The following BRD4 variants were observed in gnomAD, a reference collection of about 807,000 sequenced individuals.
BRD4 encodes bromodomain-containing protein 4.
A neutral mutation model predicts 142.1 loss-of-function variants in BRD4; 16 were observed. The ratio of observed to expected loss-of-function variants is 0.11; its 90% CI spans 0.08 to 0.17. The LOEUF (loss-of-function observed/expected upper bound fraction) is 0.17, where lower values mean the gene tolerates loss of function less well. BRD4 is among the 10% of genes least tolerant of loss of function. The pLI is 1.00. For synonymous variants in BRD4, 833 were observed against 707.5 expected (o/e 1.18, Z -2.82); for missense variants, 1,424 against 1,810.9 (o/e 0.79, Z 3.88).
intron 1 of BRD4, among the ~76,000 whole-genome samples, chr19:15,308,743 CG>C (rs1233612417): frequency 1.3e-5 from 2 of 151,978 alleles, no homozygotes; most frequent in Non-Finnish European, 2.9e-5. Context: ...GGGCTGGGCG[CG>C]GTGGCTCAAA....
chr19:15,258,052 G>C (rs1045151110), intron 7 of BRD4, among the ~76,000 whole-genome samples: 2 of 152,178 alleles, frequency 1.3e-5, no homozygotes, highest in African/African-American at 4.8e-5. Context: ...GCTCAAGACA[G>C]AGGCAGAAGC....
At chr19:15,297,572 G>A (rs2047834077) in intron 1 of BRD4, among the ~76,000 whole-genome samples, 1 of 152,194 alleles carries the variant, frequency 6.6e-6, no homozygotes, top group African/African-American at 2.4e-5. Flanking sequence ...TACTGGACAA[G>A]TGCAAAGAAC....
rs62113850 is a variant in BRD4 at position 15,307,904 on chromosome 19, C to T, written c.-35+24386G>A. Among the ~76,000 whole-genome samples, 477 of 150,522 alleles carry T rather than the reference C, an allele frequency of 3.2e-3. 1 individual carries two copies. Among genetic ancestry groups the T allele is most frequent in the Non-Finnish European group, 5.7e-3 (386 of 67,466 alleles). On this transcript the variant is annotated intron_variant, in intron 1 of 19. Coordinates refer to ENST00000679869, the MANE Select transcript of BRD4 (RefSeq NM_001379291.1). ...CCCTGGCGGGCGGATCGCTTGAGGC[C>T]GGGAGTTCGAGACCAGCCTGGCCAA...
rs2048168926 is a variant in BRD4 at position 15,332,294 on chromosome 19, G to A, written c.-39C>T. 6.8e-6 allele frequency: 1 copy of A among 146,988 alleles called. No individual in the cohort carries two copies. The highest frequency in any genetic ancestry group is 1.5e-5 in the Non-Finnish European group (1 of 65,780). 9.1% of individuals were successfully genotyped at this position (146,988 alleles called of 1,614,324 possible). On this transcript the variant is annotated 5_prime_UTR_variant, in exon 1 of 20. Coordinates refer to ENST00000679869, the MANE Select transcript of BRD4 (RefSeq NM_001379291.1). ...CCAAAGGGCACCAGTCCTCACCTGA[G>A]ACGCTAGGCCGCACGCCGCCCCCGC...
In BRD4 at chr19:15,239,014, G is replaced by C. The variant is rs777722255; in HGVS notation, c.3783-34C>G. ...AGGGTCCCAGTCAGCCTGGGGACTG[G>C]TGTGGCCCCAAGAGTCCCCATGCCC... is the stretch of plus-strand genomic sequence containing the variant. On this transcript the variant is annotated intron_variant, in intron 18 of 19. Transcript: ENST00000679869. The surrounding 1 kb of genome is among the most constrained non-coding windows in gnomAD (Gnocchi z 7.4). The C allele has an allele frequency of 1.9e-6, 3 of 1,577,394 alleles. No homozygotes were observed. The highest frequency in any genetic ancestry group is 2.3e-5 in the South Asian group (2 of 88,396).
chr19:15,245,409 T>G (rs2047277037), intron 11 of BRD4, among the ~76,000 whole-genome samples: 1 of 152,042 alleles, frequency 6.6e-6, no homozygotes, highest in Admixed American at 6.6e-5. Flanking sequence ...CAGGCTGGCC[T>G]CCTGGGAATG....
chr19:15,272,785 G>C, intron 2 of BRD4, 30 bp downstream of exon 2: 1 of 1,594,840 alleles, frequency 6.3e-7, no homozygotes, highest in South Asian at 1.1e-5. Flanking sequence ...CTCCAGGACG[G>C]CCACCCTGGG....
At chr19:15,305,632 T>C (rs2047907157) in intron 1 of BRD4, among the ~76,000 whole-genome samples, 1 of 152,248 alleles carries the variant, frequency 6.6e-6, no homozygotes, top group African/African-American at 2.4e-5. Flanking sequence ...AGATTTAGCA[T>C]AATTTAGATT....
intron 1 of BRD4, chr19:15,275,986 C>T (rs2047642324): frequency 6.5e-6 from 1 of 153,016 alleles, no homozygotes; most frequent in Non-Finnish European, 1.5e-5. Context: ...AAGAGTAAAA[C>T]TCCATCTCAA....
chr19:15,238,115 G>C lies in BRD4; in HGVS notation c.*262C>G. The C allele has an allele frequency of 2.0e-6, 1 of 507,590 alleles. No individual in the cohort carries two copies. Among genetic ancestry groups the C allele is most frequent in the Non-Finnish European group, 3.5e-6 (1 of 284,336 alleles). 31.4% of individuals were successfully genotyped at this position (507,590 alleles called of 1,614,324 possible). A position where few individuals can be genotyped will look rare whatever the true frequency, so the allele number is the denominator to read the frequency against. On this transcript the variant is annotated 3_prime_UTR_variant, in exon 20 of 20. Transcript: ENST00000679869. This position sits in a 1 kb window ranked among gnomAD's most constrained non-coding sequence, Gnocchi z 7.2. ...GGGGATGCAGGGCTTGGGTCCAGCC[G>C]GCACTTGCTCGTAACAAGGCGTGTG...
intron 1 of BRD4, among the ~76,000 whole-genome samples, chr19:15,278,991 G>A (rs1041837801): frequency 1.3e-5 from 2 of 152,060 alleles, no homozygotes; most frequent in Non-Finnish European, 2.9e-5. Context: ...ACAAGCATGC[G>A]CCTGCACGCC....
In BRD4 at chr19:15,332,529, G is replaced by GCCC. The variant is rs1437494344; in HGVS notation, c.-275_-274insGGG. On this transcript the variant is annotated 5_prime_UTR_variant, in exon 1 of 20. Coordinates refer to ENST00000679869, the MANE Select transcript of BRD4 (RefSeq NM_001379291.1). ...CGCCGCCGCCGCCGCCGCCGCCGCCGCCAGCGCACTGACGTCACCGCGCAC... is the reference window on the plus strand; with the variant it reads ...CGCCGCCGCCGCCGCCGCCGCCGCCGCCCCCAGCGCACTGACGTCACCGCGCAC... 9.2e-5 allele frequency: 15 copies of GCCC among 163,486 alleles called. No homozygotes were observed. Among genetic ancestry groups the GCCC allele is most frequent in the African/African-American group, 3.7e-4 (15 of 40,112 alleles). The allele number at this position is 163,486 out of a possible 1,614,324, so 10.1% of individuals were successfully genotyped here.
chr19:15,320,517 G>A lies in BRD4; in HGVS notation c.-35+11773C>T, dbSNP rs532573175. ...CAACTTGTTATTTATATGGAAGAGA[G>A]ACCTAATGTGATAAACACAATTTCA... On this transcript the variant is annotated intron_variant, in intron 1 of 19. Coordinates refer to ENST00000679869, the MANE Select transcript of BRD4 (RefSeq NM_001379291.1). Among the ~76,000 whole-genome samples the A allele has an allele frequency of 1.1e-4, 17 of 152,252 alleles. No individual in the cohort carries two copies. In the South Asian group the frequency reaches 1.2e-3, roughly 11 times the overall value.
rs2047190480 is a variant in BRD4, at chr19:15,236,148, G to C, written c.*2229C>G. On this transcript the variant is annotated 3_prime_UTR_variant, in exon 20 of 20. Transcript: ENST00000679869. The stretch of plus-strand genomic sequence containing the variant: ...CCAAAGACAATAAAGGACCTTTCAG[G>C]TCAAAAAGAGGGGATGTAGGAGAAT... The C allele has an allele frequency of 6.6e-6, 1 of 152,178 alleles. No individual in the cohort carries two copies. Among genetic ancestry groups the C allele is most frequent in the Non-Finnish European group, 1.5e-5 (1 of 68,028 alleles). 9.4% of individuals were successfully genotyped at this position (152,178 alleles called of 1,614,324 possible).
chr19:15,263,505 C>A lies in BRD4; in HGVS notation c.1256G>T (p.Gly419Val). Residue 419 changes from glycine (G) to valine (V), a missense_variant, in exon 7 of 20, where the codon GGT (glycine) becomes GTT (valine). Around this residue, in one of 16 missense-constraint regions of BRD4, gnomAD observed 22 missense variants for 49.5 expected, o/e 0.44. Transcript: ENST00000679869. Reference protein sequence around the residue: ...AREYRDAQEFGADVRLMFSNC... With the variant: ...AREYRDAQEFVADVRLMFSNC... ...GGAGAACATCAATCGGACGTCAGCA[C>A]CAAACTCCTGAGCATCACGGTACTC... 1 of 1,614,204 alleles carries A rather than the reference C, an allele frequency of 6.2e-7. No homozygotes were observed.
chr19:15,278,582 G>A (rs1265570294), intron 1 of BRD4, among the ~76,000 whole-genome samples: 1 of 142,352 alleles, frequency 7.0e-6, no homozygotes, highest in Non-Finnish European at 1.5e-5. Context: ...CTATGGTTAT[G>A]TAAGAATAAA....
intron 1 of BRD4, among the ~76,000 whole-genome samples, chr19:15,324,117 C>T (rs1474338698): frequency 6.6e-6 from 1 of 152,090 alleles, no homozygotes. Flanking sequence ...TGGTACACGG[C>T]TCCACCCAAG....
chr19:15,295,125 C>A (rs182161111), intron 1 of BRD4, among the ~76,000 whole-genome samples: 55 of 152,344 alleles, frequency 3.6e-4, no homozygotes, highest in Admixed American at 3.3e-3. Context: ...TCCCAGAAAA[C>A]CAGCTTGCTG....
In BRD4 at chr19:15,263,098, GC is replaced by G. The variant is rs546368846; in HGVS notation, c.1341+321del. On this transcript the variant is annotated intron_variant, in intron 7 of 19. Coordinates refer to ENST00000679869, the MANE Select transcript of BRD4 (RefSeq NM_001379291.1). ...GTGACAGCGACTTCTCGGCAAGAGT[GC>G]CCCCCACCCCCAACCCACTTGAGAC... Among the ~76,000 whole-genome samples the G allele has an allele frequency of 3.2e-4, 49 of 152,196 alleles. No individual in the cohort carries two copies. In the South Asian group the frequency reaches 1.0e-2, roughly 31 times the overall value.
Sources: gnomAD v4.1 joint callset for allele counts (sites outside exome capture counted in the v4.1 genomes callset) on GRCh38, gnomAD v4.1.1 for gene constraint, gnomAD v4.1.1 regional missense constraint, Gnocchi (gnomAD v3.1) non-coding constraint, MANE v1.5 for transcripts, NCBI Gene and HGNC (gene_info 2026-07-23, HGNC 2026-07-21) for gene names.